DLD: variants seen among roughly 807,000 people sequenced by gnomAD.
The protein encoded by DLD is dihydrolipoyl dehydrogenase, mitochondrial.
Under a neutral mutation model 62.2 loss-of-function variants are expected in DLD, and 36 were observed. The ratio of observed to expected loss-of-function variants is 0.58; its 90% CI spans 0.44 to 0.76. DLD has a LOEUF of 0.76. Among genes scored for constraint, DLD ranks in the 30% least tolerant of loss-of-function variants. The probability of loss-of-function intolerance (pLI) is 0.00; values close to 1 mark genes in which losing one functional copy is unlikely to be tolerated. For synonymous variants in DLD, 204 were observed against 199.6 expected (o/e 1.02, Z -0.19); for missense variants, 541 against 608.6 (o/e 0.89, Z 1.17).
intron 4 of DLD, among the ~76,000 whole-genome samples, chr7:107,903,010 G>A (rs951668252): frequency 3.3e-5 from 5 of 152,072 alleles, no homozygotes; most frequent in Non-Finnish European, 7.4e-5. Flanking sequence ...ACAAAGTGGT[G>A]TTATGATTTA....
At chr7:107,908,929 C>G (rs2032073848) in intron 8 of DLD, among the ~76,000 whole-genome samples, 2 of 152,074 alleles carry the variant, frequency 1.3e-5, no homozygotes, top group South Asian at 4.1e-4. Flanking sequence ...ATGTTTAGTA[C>G]TTAGGTCTCC....
intron 8 of DLD, among the ~76,000 whole-genome samples, chr7:107,910,062 G>A (rs1201308376): frequency 6.6e-6 from 1 of 151,816 alleles, no homozygotes; most frequent in Non-Finnish European, 1.5e-5. Flanking sequence ...TCACCATGTT[G>A]GCCAGGCTGG....
At position 107,918,012 on chromosome 7, in the gene DLD, T is replaced by C; in HGVS notation, c.1325T>C (p.Leu442Pro). 6.2e-7 allele frequency: 1 copy of C among 1,614,098 alleles called. No individual in the cohort carries two copies. Among genetic ancestry groups the C allele is most frequent in the Non-Finnish European group, 8.5e-7 (1 of 1,179,948 alleles). The change falls in exon 12 of 14, where the codon CTT (leucine) becomes CCT (proline). Residue 442 changes from leucine (L) to proline (P), a missense_variant. Physicochemically the swap from Leu to Pro is moderately conservative, Grantham distance 98. Coordinates refer to ENST00000205402, the MANE Select transcript of DLD (RefSeq NM_000108.5). Reference protein sequence around the residue: ...NADTDGMVKILGQKSTDRVLG... With the variant: ...NADTDGMVKIPGQKSTDRVLG... Reference sequence around the variant, plus strand: ...GACACAGATGGCATGGTGAAGATCCTTGGGCAGAAATCGACAGACAGAGTA... The same window carrying C: ...GACACAGATGGCATGGTGAAGATCCCTGGGCAGAAATCGACAGACAGAGTA...
chr7:107,903,100 A>G lies in DLD; in HGVS notation c.268-378A>G, dbSNP rs143746056. On this transcript the variant is annotated intron_variant, in intron 4 of 13. Transcript: ENST00000205402. ...TACTTATCATTTTTGTGATGAGAAC[A>G]TTTGAAAGAGAATATCGGCCGGGCG... Among the ~76,000 whole-genome samples the G allele has an allele frequency of 3.7e-3, 568 of 152,322 alleles. 1 individual carries two copies. The highest frequency in any genetic ancestry group is 6.5e-3 in the Non-Finnish European group (441 of 68,024).
chr7:107,891,566 G>C (rs1482790590), intron 1 of DLD: 1 of 583,902 alleles, frequency 1.7e-6, no homozygotes, highest in Non-Finnish European at 3.1e-6. Context: ...CCCAAGCCTG[G>C]GCCGAGGGCC....
At chr7:107,893,171 T>C (rs2031631554) in intron 1 of DLD, 29 bp from the exon 2 acceptor site, 1 of 1,589,096 alleles carries the variant, frequency 6.3e-7, no homozygotes, top group Non-Finnish European at 8.6e-7. Context: ...ATTCATATCT[T>C]ACATAATAGG....
At chr7:107,899,108 T>C (rs1012288092) in intron 2 of DLD, among the ~76,000 whole-genome samples, 7 of 152,134 alleles carry the variant, frequency 4.6e-5, no homozygotes, top group Non-Finnish European at 8.8e-5. Flanking sequence ...TTTTCTGTGC[T>C]TACAGTACCA....
chr7:107,916,953 TA>T lies in DLD; in HGVS notation c.1039del (p.Ile347PhefsTer10). On this transcript the variant is annotated frameshift_variant, in exon 10 of 14. Transcript: ENST00000205402. LOFTEE classifies it high-confidence loss of function. Reference protein sequence around the residue: ...RIPVNTRFQTKIPNIYAIGDV... With the variant: ...RIPVNTRFQTXIPNIYAIGDV... ...TTCCAGTCAATACCAGATTTCAAAC[TA>T]AAATTCCAAAGTAAGTTGGATAATT... 6.2e-7 allele frequency: 1 copy of T among 1,613,904 alleles called. No homozygotes were observed. Among genetic ancestry groups the T allele is most frequent in the South Asian group, 1.1e-5 (1 of 91,070 alleles).
chr7:107,892,189 C>T (rs993420113), intron 1 of DLD, among the ~76,000 whole-genome samples: 26 of 152,146 alleles, frequency 1.7e-4, no homozygotes, highest in Admixed American at 1.6e-3. Flanking sequence ...TTGTCACTGC[C>T]GCCCATTTTC....
chr7:107,896,692 A>G (rs759539392), intron 2 of DLD, among the ~76,000 whole-genome samples: 1 of 152,172 alleles, frequency 6.6e-6, no homozygotes, highest in African/African-American at 2.4e-5. Context: ...TGTAAAAACA[A>G]CTTCCCTTAC....
chr7:107,918,442 C>G (rs2032324047), intron 12 of DLD, among the ~76,000 whole-genome samples: 2 of 152,202 alleles, frequency 1.3e-5, no homozygotes, highest in African/African-American at 4.8e-5. Context: ...GGCCTTCTCT[C>G]ATTTTCACAA....
chr7:107,899,096 C>T (rs2031810304), intron 2 of DLD, among the ~76,000 whole-genome samples: 1 of 152,068 alleles, frequency 6.6e-6, no homozygotes, highest in African/African-American at 2.4e-5. Context: ...CTTCCATTAA[C>T]ATTTTCTGTG....
intron 5 of DLD, 95 bp from the exon 6 acceptor site, chr7:107,904,863 C>T: frequency 1.2e-6 from 1 of 832,804 alleles, no homozygotes; most frequent in African/African-American, 1.7e-5. Context: ...CTTTTATAAG[C>T]ATTAGGTTGA....
intron 5 of DLD, 69 bp from the exon 6 acceptor site, chr7:107,904,889 G>T: frequency 1.8e-6 from 2 of 1,127,270 alleles, no homozygotes; most frequent in Non-Finnish European, 1.3e-6. Flanking sequence ...TCCAGTTGGT[G>T]AGTGAAAAAC....
At chr7:107,893,163 T>G (rs371662423) in intron 1 of DLD, 37 bp from the exon 2 acceptor site, 5 of 1,563,936 alleles carry the variant, frequency 3.2e-6, no homozygotes, top group Non-Finnish European at 4.4e-6. Flanking sequence ...TGTTTTGAAT[T>G]CATATCTTAC....
intron 2 of DLD, among the ~76,000 whole-genome samples, chr7:107,895,052 C>A (rs539611183): frequency 6.6e-6 from 1 of 152,288 alleles, no homozygotes; most frequent in African/African-American, 2.4e-5. Context: ...GCAAAGCATC[C>A]AGTATGGTGT....
chr7:107,899,663 A>T (rs748159895), intron 2 of DLD, among the ~76,000 whole-genome samples: 31 of 152,232 alleles, frequency 2.0e-4, no homozygotes, highest in African/African-American at 7.5e-4. Context: ...ATAAATATAT[A>T]TGCTCATGTA....
chr7:107,891,751 A>G, intron 1 of DLD: 2 of 210,850 alleles, frequency 9.5e-6, no homozygotes, highest in South Asian at 1.3e-4. Flanking sequence ...GTTTAGATCC[A>G]GTCAGCTCCA....
intron 2 of DLD, among the ~76,000 whole-genome samples, chr7:107,896,373 G>A (rs1026762060): frequency 3.3e-5 from 5 of 151,860 alleles, no homozygotes; most frequent in East Asian, 3.9e-4. Context: ...CTTAACATGC[G>A]TACTCTCTGA....
Sources: gnomAD v4.1 joint callset for allele counts (sites outside exome capture counted in the v4.1 genomes callset) on GRCh38, gnomAD v4.1.1 for gene constraint, MANE v1.5 for transcripts, NCBI Gene and HGNC (gene_info 2026-07-23, HGNC 2026-07-21) for gene names.